Variants in ATP6V1D observed in about 807,000 individuals in gnomAD.
The protein encoded by ATP6V1D is V-type proton ATPase subunit D.
Under a neutral mutation model 39.4 loss-of-function variants are expected in ATP6V1D, and 20 were observed. That is an observed-to-expected ratio of 0.51 (90% CI 0.36 to 0.74). ATP6V1D has a LOEUF of 0.74. Among genes scored for constraint, ATP6V1D ranks in the 30% least tolerant of loss-of-function variants. ATP6V1D has a pLI of 0.00. For missense variants in ATP6V1D, 228 were observed against 291.6 expected (o/e 0.78, Z 1.59); for synonymous variants, 100 against 100.5 (o/e 0.99, Z 0.03).
intron 8 of ATP6V1D, among the ~76,000 whole-genome samples, chr14:67,339,648 A>C (rs1331167033): frequency 1.3e-5 from 2 of 152,198 alleles, no homozygotes; most frequent in African/African-American, 4.8e-5. Context: ...CTAATTCTCT[A>C]ATGGCGTGAT....
At chr14:67,344,603 G>A (rs1231176347) in intron 6 of ATP6V1D, among the ~76,000 whole-genome samples, 1 of 152,176 alleles carries the variant, frequency 6.6e-6, no homozygotes, top group Non-Finnish European at 1.5e-5. Context: ...ACTGGGCTGG[G>A]TGAGGTGGCT....
At chr14:67,344,766 A>G (rs1166175241) in intron 6 of ATP6V1D, among the ~76,000 whole-genome samples, 1 of 151,884 alleles carries the variant, frequency 6.6e-6, no homozygotes, top group Non-Finnish European at 1.5e-5. Context: ...CTTGTAGTCC[A>G]AGCTACTTGG....
rs376313980 is a variant in ATP6V1D at position 67,341,119 on chromosome 14, C to G, written c.524-601G>C. 2.2e-4 allele frequency among the ~76,000 whole-genome samples: 34 copies of G among 152,308 alleles called. No individual in the cohort carries two copies. In the East Asian group the frequency reaches 5.8e-3, roughly 26 times the overall value. ...ACCCGGTCTGGGAAGTGAGGAGCCT[C>G]TCTGCCTGGCCGCCCATCGTCTGGG... On this transcript the variant is annotated intron_variant, in intron 7 of 8. Transcript: ENST00000216442.
chr14:67,344,365 T>C (rs1344447655), intron 6 of ATP6V1D, among the ~76,000 whole-genome samples: 1 of 152,222 alleles, frequency 6.6e-6, no homozygotes, highest in African/African-American at 2.4e-5. Context: ...TCAAATCATT[T>C]CTGCTTCAAC....
chr14:67,359,663 C>T lies in ATP6V1D; in HGVS notation c.36G>A (p.Ser12=). The T allele has an allele frequency of 6.2e-7, 1 of 1,614,046 alleles. No homozygotes were observed. The highest frequency in any genetic ancestry group is 1.3e-5 in the African/African-American group (1 of 75,020). ...TATCCCATTCCTTTACTTACATTCG[C>T]GAGGGAAAGATTTCAATTCGGTCTT... ...SGKDRIEIFP[S]RMAQTIMKAR... Residue 12 remains serine, a synonymous_variant, in exon 1 of 9, where the codon TCG becomes TCA. Coordinates refer to ENST00000216442, the MANE Select transcript of ATP6V1D (RefSeq NM_015994.4).
intron 3 of ATP6V1D, among the ~76,000 whole-genome samples, chr14:67,349,608 GAGGATTGTTTGAGGCC>G (rs2141104820): frequency 6.6e-6 from 1 of 152,320 alleles, no homozygotes; most frequent in Admixed American, 6.5e-5. Flanking sequence ...GCCGAGGCAG[GAGGATTGTTTGAGGCC>G]AGGAGTTCAA....
chr14:67,341,661 G>C (rs2141093103), intron 7 of ATP6V1D, among the ~76,000 whole-genome samples: 1 of 152,258 alleles, frequency 6.6e-6, no homozygotes, highest in Admixed American at 6.5e-5. Flanking sequence ...CCTCTGCCCG[G>C]CCACCACCCC....
chr14:67,340,466 A>G lies in ATP6V1D; in HGVS notation c.576T>C (p.Asp192=), dbSNP rs1199151032. 1.2e-6 allele frequency: 2 copies of G among 1,613,832 alleles called. No individual in the cohort carries two copies. The highest frequency in any genetic ancestry group is 3.3e-5 in the Admixed American group (2 of 60,022). ...TATAGAACTCTTCTCGCTCTCTCTC[A>G]TCCAGCTCTGTGATGATATAAGCAA... ...RTLAYIITEL[D]EREREEFYRL... The change falls in exon 8 of 9, where the codon GAT becomes GAC. Residue 192 remains aspartate, a synonymous_variant. Coordinates refer to ENST00000216442, the MANE Select transcript of ATP6V1D (RefSeq NM_015994.4).
chr14:67,347,654 C>T (rs920656805), intron 4 of ATP6V1D, among the ~76,000 whole-genome samples: 38 of 152,032 alleles, frequency 2.5e-4, no homozygotes, highest in African/African-American at 9.2e-4. Context: ...GCATGCACCA[C>T]CACACCCGGC....
rs936852773 is a variant in ATP6V1D at position 67,338,833 on chromosome 14, T to A, written c.603-71A>T. The A allele has an allele frequency of 1.1e-5, 15 of 1,419,196 alleles. No homozygotes were observed. In the African/African-American group the frequency reaches 1.9e-4, roughly 18 times the overall value. 87.9% of individuals were successfully genotyped at this position (1,419,196 alleles called of 1,614,324 possible). The stretch of plus-strand genomic sequence containing the variant: ...ATTAAGTAGATTTGATTTCTTTGAG[T>A]TTTGTAACAAGGATAATAAACACAT... On this transcript the variant is annotated intron_variant, in intron 8 of 8. Coordinates refer to ENST00000216442, the MANE Select transcript of ATP6V1D (RefSeq NM_015994.4).
Position 67,338,313 on chromosome 14 carries a change from G to A in ATP6V1D, c.*308C>T, listed in dbSNP as rs2085555073. ...GCCTGAGACCGCTAATGCTTCCTAA[G>A]AGGTATTTCCTAATATGCTTGGTAA... is the stretch of plus-strand genomic sequence containing the variant. On this transcript the variant is annotated 3_prime_UTR_variant, in exon 9 of 9. Transcript: ENST00000216442. The A allele has an allele frequency of 4.7e-6, 1 of 212,124 alleles. No homozygotes were observed. Among genetic ancestry groups the A allele is most frequent in the African/African-American group, 2.3e-5 (1 of 43,694 alleles). The allele number at this position is 212,124 out of a possible 1,614,324, so 13.1% of individuals were successfully genotyped here.
intron 4 of ATP6V1D, among the ~76,000 whole-genome samples, chr14:67,348,091 T>TA (rs973688329): frequency 2.0e-5 from 3 of 151,350 alleles, no homozygotes; most frequent in Admixed American, 1.3e-4. Flanking sequence ...TTTTTTTTTT[T>TA]AAAGATGAGT....
intron 7 of ATP6V1D, among the ~76,000 whole-genome samples, chr14:67,341,462 T>C (rs1251593558): frequency 6.9e-6 from 1 of 145,840 alleles, no homozygotes; most frequent in Non-Finnish European, 1.5e-5. Context: ...AGGAGGGAGG[T>C]TGGGGGGTCA....
intron 1 of ATP6V1D, among the ~76,000 whole-genome samples, chr14:67,357,821 A>G (rs575637574): frequency 2.6e-5 from 4 of 152,302 alleles, no homozygotes; most frequent in African/African-American, 9.6e-5. Context: ...TAAACGCCAT[A>G]CTACCTGGCA....
chr14:67,352,747 G>C, intron 2 of ATP6V1D, 176 bp downstream of exon 2: 1 of 540,600 alleles, frequency 1.8e-6, no homozygotes, highest in Non-Finnish European at 3.2e-6. Context: ...CAAGATTAAA[G>C]AGTTTGGATT....
At chr14:67,342,800 T>G (rs2141095278) in intron 7 of ATP6V1D, among the ~76,000 whole-genome samples, 1 of 152,012 alleles carries the variant, frequency 6.6e-6, no homozygotes, top group South Asian at 2.1e-4. Flanking sequence ...AGCAAAGGAA[T>G]TTCTTTACTT....
chr14:67,341,795 T>A (rs2085586684), intron 7 of ATP6V1D, among the ~76,000 whole-genome samples: 1 of 152,234 alleles, frequency 6.6e-6, no homozygotes, highest in African/African-American at 2.4e-5. Context: ...TGTGTCTGTG[T>A]AGAAAGAAGT....
chr14:67,354,966 A>G lies in ATP6V1D; in HGVS notation c.42-1926T>C, dbSNP rs574451544. On this transcript the variant is annotated intron_variant, in intron 1 of 8. Transcript: ENST00000216442. ...GTAGCTGGGATTACAGGCATGCGTC[A>G]CCATGCCTGGCTAATTTTTTATTTT... Among the ~76,000 whole-genome samples the G allele has an allele frequency of 4.6e-5, 7 of 152,172 alleles. No individual in the cohort carries two copies. The South Asian group carries it at 1.4e-3, about 32-fold the overall frequency.
At chr14:67,350,871 T>G (rs2085650671) in intron 2 of ATP6V1D, among the ~76,000 whole-genome samples, 181 bp from the exon 3 acceptor site, 1 of 152,238 alleles carries the variant, frequency 6.6e-6, no homozygotes, top group African/African-American at 2.4e-5. Flanking sequence ...TCACTAACAA[T>G]ATTACAAACT....
Sources: allele counts gnomAD v4.1 joint callset (sites outside exome capture counted in the v4.1 genomes callset), GRCh38; gene constraint gnomAD v4.1.1; transcripts MANE v1.5; gene names NCBI Gene and HGNC (gene_info 2026-07-23, HGNC 2026-07-21).